Variants in TGFA observed in about 807,000 individuals in gnomAD.
The protein encoded by TGFA is protransforming growth factor alpha.
TGFA carries 12 observed loss-of-function variants against 21.7 expected under a neutral mutation model. That is an observed-to-expected ratio of 0.55 (90% CI 0.35 to 0.90). The LOEUF (loss-of-function observed/expected upper bound fraction) is 0.90, where lower values mean the gene tolerates loss of function less well. Ranked by LOEUF, TGFA falls within the 40% of genes least tolerant of loss-of-function variation. The pLI is 0.01. For synonymous variants in TGFA, 79 were observed against 88.1 expected (o/e 0.90, Z 0.58); for missense variants, 178 against 210.8 (o/e 0.84, Z 0.96).
At chr2:70,541,939 C>T (rs557983569) in intron 1 of TGFA, among the ~76,000 whole-genome samples, 39 of 152,254 alleles carry the variant, frequency 2.6e-4, no homozygotes, top group African/African-American at 9.1e-4. Flanking sequence ...GTGTACAGCA[C>T]GCAGACCGGC....
chr2:70,516,387 G>C (rs1456591672), intron 1 of TGFA, among the ~76,000 whole-genome samples: 1 of 152,182 alleles, frequency 6.6e-6, no homozygotes, highest in Non-Finnish European at 1.5e-5. Flanking sequence ...ACTTGGAATA[G>C]ATAAAGCAAT....
chr2:70,536,139 G>A (rs1358475537), intron 1 of TGFA, among the ~76,000 whole-genome samples: 1 of 152,230 alleles, frequency 6.6e-6, no homozygotes, highest in Non-Finnish European at 1.5e-5. Flanking sequence ...GTTTATTAGA[G>A]AAGACCTTTA....
chr2:70,489,032 CA>C (rs1458227183), intron 2 of TGFA, among the ~76,000 whole-genome samples: 1 of 152,172 alleles, frequency 6.6e-6, no homozygotes, highest in Non-Finnish European at 1.5e-5. Flanking sequence ...AAAGATGGCA[CA>C]AAAGATTCCG....
At chr2:70,513,687 T>C (rs1445260009) in intron 2 of TGFA, among the ~76,000 whole-genome samples, 1 of 152,086 alleles carries the variant, frequency 6.6e-6, no homozygotes, top group Non-Finnish European at 1.5e-5. Context: ...CCAGTGGGTT[T>C]GGAGGGAAAG....
intron 3 of TGFA, among the ~76,000 whole-genome samples, chr2:70,460,193 C>G (rs1320058559): frequency 6.6e-6 from 1 of 152,100 alleles, no homozygotes; most frequent in Non-Finnish European, 1.5e-5. Flanking sequence ...GATGTCCAGG[C>G]CACACCTTTA....
intron 1 of TGFA, among the ~76,000 whole-genome samples, chr2:70,543,965 A>G (rs1673213547): frequency 1.3e-5 from 2 of 152,208 alleles, no homozygotes; most frequent in South Asian, 4.1e-4. Context: ...TTATTTCAAG[A>G]ATTTAAAGGT....
chr2:70,501,274 T>C (rs575349919), intron 2 of TGFA, among the ~76,000 whole-genome samples: 2 of 147,496 alleles, frequency 1.4e-5, no homozygotes, highest in South Asian at 4.3e-4. Context: ...TTTTTTTTTC[T>C]CCTCCAGGGA....
intron 1 of TGFA, among the ~76,000 whole-genome samples, chr2:70,545,419 T>C (rs1163085895): frequency 6.6e-6 from 1 of 152,172 alleles, no homozygotes; most frequent in Non-Finnish European, 1.5e-5. Flanking sequence ...CCAGATCTTA[T>C]AATTTTACAA....
At chr2:70,506,434 G>T (rs557620774) in intron 2 of TGFA, among the ~76,000 whole-genome samples, 2 of 152,260 alleles carry the variant, frequency 1.3e-5, no homozygotes, top group South Asian at 2.1e-4. Flanking sequence ...TTTCTGGATC[G>T]CATGCTGTAA....
intron 3 of TGFA, among the ~76,000 whole-genome samples, chr2:70,462,871 G>C (rs548008818): frequency 1.3e-5 from 2 of 152,166 alleles, no homozygotes; most frequent in Non-Finnish European, 2.9e-5. Flanking sequence ...AGCTGTCTCT[G>C]TAGCCCCGCA....
chr2:70,550,172 T>C (rs547782337), intron 1 of TGFA, among the ~76,000 whole-genome samples: 27 of 152,260 alleles, frequency 1.8e-4, no homozygotes, highest in Non-Finnish European at 3.8e-4. Context: ...AGGTCCACAT[T>C]CGGTCCTTAC....
intron 2 of TGFA, among the ~76,000 whole-genome samples, chr2:70,502,321 G>C (rs1553499295): frequency 6.6e-6 from 1 of 152,138 alleles, no homozygotes; most frequent in Non-Finnish European, 1.5e-5. Context: ...GGCTTCCTTT[G>C]ATCTGTTTTT....
chr2:70,506,613 A>G (rs1671935107), intron 2 of TGFA, among the ~76,000 whole-genome samples: 1 of 152,190 alleles, frequency 6.6e-6, no homozygotes, highest in Non-Finnish European at 1.5e-5. Context: ...GGGTAGTAAC[A>G]GCAGCAGCAG....
intron 2 of TGFA, among the ~76,000 whole-genome samples, chr2:70,494,099 C>T (rs1428482639): frequency 4.6e-5 from 7 of 152,144 alleles, no homozygotes; most frequent in African/African-American, 1.7e-4. Flanking sequence ...ATCTTTTCCA[C>T]CTTCTAGAAT....
chr2:70,451,865 A>G (rs1670070396), intron 5 of TGFA: 1 of 654,808 alleles, frequency 1.5e-6, no homozygotes, highest in African/African-American at 1.8e-5. Flanking sequence ...GACTCAGTTT[A>G]CCCACATCGC....
chr2:70,487,818 C>T (rs1185142646), intron 2 of TGFA, among the ~76,000 whole-genome samples: 15 of 152,100 alleles, frequency 9.9e-5, no homozygotes, highest in Admixed American at 1.3e-4. Flanking sequence ...TCTTTGTTCA[C>T]GCACATTTAT....
intron 1 of TGFA, among the ~76,000 whole-genome samples, chr2:70,540,052 G>A (rs1211811109): frequency 2.6e-5 from 4 of 152,148 alleles, no homozygotes; most frequent in Non-Finnish European, 5.9e-5. Flanking sequence ...ATAGGAGAGA[G>A]GATAAGCAGG....
At chr2:70,553,664 C>A in intron 1 of TGFA, 64 bp downstream of exon 1, 1 of 1,329,542 alleles carries the variant, frequency 7.5e-7, no homozygotes, top group South Asian at 2.2e-5. Context: ...AAGGGGAACT[C>A]GGCGGGGACC....
rs1671835044 is a variant in TGFA at position 70,504,376 on chromosome 2, C to CTCCA, written c.94+10479_94+10482dup. On this transcript the variant is annotated intron_variant, in intron 2 of 5. Transcript: ENST00000295400. ...AGTGAGCTGAGATAGCGTCACTGCACTCCAGCCTGGGCAACAGAGCAAGAC... is the reference window on the plus strand; with the variant it reads ...AGTGAGCTGAGATAGCGTCACTGCACTCCATCCAGCCTGGGCAACAGAGCAAGAC... Among the ~76,000 whole-genome samples, 8 of 148,444 alleles carry CTCCA rather than the reference C, an allele frequency of 5.4e-5. No homozygotes were observed. In the South Asian group the frequency reaches 1.1e-3, roughly 20 times the overall value.
Sources: gnomAD v4.1 joint callset for allele counts (sites outside exome capture counted in the v4.1 genomes callset) on GRCh38, gnomAD v4.1.1 for gene constraint, MANE v1.5 for transcripts, NCBI Gene and HGNC (gene_info 2026-07-23, HGNC 2026-07-21) for gene names.